The following CACNB3 variants were observed in gnomAD, a reference collection of about 807,000 sequenced individuals.
CACNB3 encodes calcium voltage-gated channel auxiliary subunit beta 3.
In CACNB3, 36 loss-of-function variants were observed where a neutral mutation model predicts 63.7. That is an observed-to-expected ratio of 0.57 (90% CI 0.43 to 0.75). The LOEUF (loss-of-function observed/expected upper bound fraction) is 0.75. CACNB3 is among the 30% of genes least tolerant of loss of function. The pLI is 0.00. For synonymous variants in CACNB3, 241 were observed against 250.6 expected (o/e 0.96, Z 0.36); for missense variants, 493 against 648.6 (o/e 0.76, Z 2.61).
At position 48,825,783 on chromosome 12, in the gene CACNB3, A is replaced by G; in HGVS notation, c.742+14A>G. On this transcript the variant is annotated intron_variant, in intron 9 of 12. Coordinates refer to ENST00000301050, the MANE Select transcript of CACNB3 (RefSeq NM_000725.4). The surrounding 1 kb of genome is among the most constrained non-coding windows in gnomAD (Gnocchi z 4.5). ...GCTCCAGCATTGGTGAGAAGTCCCC[A>G]CCACCTGCTTCTGTGCCCACTCAAG... 6.3e-7 allele frequency: 1 copy of G among 1,589,720 alleles called. No homozygotes were observed. Among genetic ancestry groups the G allele is most frequent in the East Asian group, 2.2e-5 (1 of 44,660 alleles).
chr12:48,815,601 G>T, upstream of CACNB3: 2 of 1,531,814 alleles, frequency 1.3e-6, no homozygotes, highest in South Asian at 1.2e-5. Context: ...GTGCAGGCGG[G>T]AGCAGCGTGC....
At chr12:48,822,650 C>G (rs887417368) in intron 1 of CACNB3, among the ~76,000 whole-genome samples, 5 of 152,182 alleles carry the variant, frequency 3.3e-5, no homozygotes, top group African/African-American at 9.7e-5. Flanking sequence ...CTGCCCACAC[C>G]TGGCTAGTTG....
In CACNB3 at chr12:48,827,798, G is replaced by A. The variant is rs375494216; in HGVS notation, c.1354G>A (p.Gly452Arg). 8.7e-6 allele frequency: 14 copies of A among 1,614,016 alleles called. No homozygotes were observed. The highest frequency in any genetic ancestry group is 2.2e-5 in the East Asian group (1 of 44,886). Residue 452 changes from glycine to arginine, a missense_variant, in exon 13 of 13, where the codon GGG becomes AGG. Transcript: ENST00000301050. ...CACCTCGGGGCTGCCTAGTGCTAAC[G>A]GGCATGACCCCCAAGACCGGCTTCT... is the stretch of plus-strand genomic sequence containing the variant. ...QHTSGLPSAN[G>R]HDPQDRLLAQ...
chr12:48,826,390 C>T lies in CACNB3; in HGVS notation c.766C>T (p.Arg256Cys), dbSNP rs1283578475. The change falls in exon 10 of 13, where the codon CGC becomes TGC. Residue 256 changes from arginine (R) to cysteine (C), a missense_variant. Transcript: ENST00000301050. The surrounding 1 kb of genome is among the most constrained non-coding windows in gnomAD (Gnocchi z 4.8). ...AGCGGAAGTGCAGAGTGAGATCGAG[C>T]GCATATTTGAGCTGGCCAAATCCCT... Reference protein sequence around the residue: ...SIAEVQSEIERIFELAKSLQL... With the variant: ...SIAEVQSEIECIFELAKSLQL... 1.2e-6 allele frequency: 2 copies of T among 1,614,114 alleles called. No individual in the cohort carries two copies. Among genetic ancestry groups the T allele is most frequent in the Non-Finnish European group, 1.7e-6 (2 of 1,180,022 alleles).
rs377133522 is a variant in CACNB3 at position 48,823,804 on chromosome 12, G to A, written c.291+1G>A. The A allele has an allele frequency of 1.2e-6, 2 of 1,613,930 alleles. No individual in the cohort carries two copies. Among genetic ancestry groups the A allele is most frequent in the Non-Finnish European group, 1.7e-6 (2 of 1,180,000 alleles). On this transcript the variant is annotated splice_donor_variant, in intron 3 of 12. Coordinates refer to ENST00000301050, the MANE Select transcript of CACNB3 (RefSeq NM_000725.4). LOFTEE classifies it high-confidence loss of function. This position sits in a 1 kb window ranked among gnomAD's most constrained non-coding sequence, Gnocchi z 4.2. ...CAAAGATTTTCTGCACATTAAAGAG[G>A]TGATCGACCCCCCTACTTCCAGAAG...
At position 48,823,557 on chromosome 12, in the gene CACNB3, TGTCCTTGA is replaced by T; in HGVS notation, c.168+94_168+101del. The T allele has an allele frequency of 6.3e-7, 1 of 1,593,874 alleles. No homozygotes were observed. Among genetic ancestry groups the T allele is most frequent in the Non-Finnish European group, 8.6e-7 (1 of 1,169,034 alleles). On this transcript the variant is annotated intron_variant, in intron 2 of 12. Transcript: ENST00000301050. This position sits in a 1 kb window ranked among gnomAD's most constrained non-coding sequence, Gnocchi z 4.2. ...AGTCCCAAGGGGTCCTTGGGCAGGA[TGTCCTTGA>T]GTGTGAGAGGGTGTGTGTGATGGGC... is the stretch of plus-strand genomic sequence containing the variant.
At chr12:48,815,786 G>A (rs966598117), upstream of CACNB3, 70 of 1,104,392 alleles carry the variant, frequency 6.3e-5, no homozygotes, top group Middle Eastern at 1.9e-4. Context: ...GGTGGGAGGA[G>A]AGCTCCGCTC....
In CACNB3 at chr12:48,825,503, C is replaced by T; in HGVS notation, c.632+11C>T. On this transcript the variant is annotated intron_variant, in intron 8 of 12. Coordinates refer to ENST00000301050, the MANE Select transcript of CACNB3 (RefSeq NM_000725.4). This position sits in a 1 kb window ranked among gnomAD's most constrained non-coding sequence, Gnocchi z 4.5. ...CAGATTTGATGGCAGGTAAGCTGCC[C>T]TGGCCTGAGGTGGCCTGAGAACCAA... 6.2e-7 allele frequency: 1 copy of T among 1,613,932 alleles called. No homozygotes were observed. Among genetic ancestry groups the T allele is most frequent in the Non-Finnish European group, 8.5e-7 (1 of 1,179,812 alleles).
At chr12:48,816,812 G>A, upstream of CACNB3, 1 of 984,634 alleles carries the variant, frequency 1.0e-6, no homozygotes, top group South Asian at 4.7e-5. Flanking sequence ...GGAGAGGCCA[G>A]GAGAGTGGAT....
intron 12 of CACNB3, 149 bp downstream of exon 12, chr12:48,827,272 G>A (rs1938195054): frequency 1.0e-6 from 1 of 984,100 alleles, no homozygotes; most frequent in Non-Finnish European, 1.5e-6. Context: ...GCACAGACGG[G>A]CAAAGGAACT....
At chr12:48,824,885 A>G (rs1938046250) in intron 5 of CACNB3, 64 bp from the exon 6 acceptor site, 1 of 1,581,812 alleles carries the variant, frequency 6.3e-7, no homozygotes, top group African/African-American at 1.3e-5. Context: ...GGACGGGGAT[A>G]CCATGCCCCC....
chr12:48,816,821 AT>A (rs1942298723), upstream of CACNB3: 1 of 985,338 alleles, frequency 1.0e-6, no homozygotes, highest in South Asian at 4.7e-5. Flanking sequence ...AGGAGAGTGG[AT>A]GCAGGGATGG....
chr12:48,824,674 C>A lies in CACNB3; in HGVS notation c.413C>A (p.Ser138Tyr). The A allele has an allele frequency of 6.2e-7, 1 of 1,613,636 alleles. No homozygotes were observed. The highest frequency in any genetic ancestry group is 1.1e-5 in the South Asian group (1 of 91,042). ...TCACCTCCCTTTCTTCTCAGGAGAT[C>A]TGGGAACCCTTCCAGCCTGAGTGAC... ...RLKQEQKARR[S>Y]GNPSSLSDIG... Residue 138 changes from serine to tyrosine, a missense_variant, in exon 5 of 13, where the codon TCT becomes TAT. Ser to Tyr is a moderately radical substitution (Grantham distance 144, BLOSUM62 -2). Coordinates refer to ENST00000301050, the MANE Select transcript of CACNB3 (RefSeq NM_000725.4).
Position 48,824,297 on chromosome 12 carries a change from G to C in CACNB3, c.331G>C (p.Glu111Gln). The C allele has an allele frequency of 6.2e-7, 1 of 1,613,382 alleles. No homozygotes were observed. The highest frequency in any genetic ancestry group is 8.5e-7 in the Non-Finnish European group (1 of 1,179,840). The change falls in exon 4 of 13, where the codon GAG becomes CAG. Residue 111 changes from glutamate (E) to glutamine (Q), a missense_variant. Physicochemically the swap from Glu to Gln is conservative, Grantham distance 29. Coordinates refer to ENST00000301050, the MANE Select transcript of CACNB3 (RefSeq NM_000725.4). ...NDWWIGRLVKEGGDIAFIPSP... is the reference protein window; with the variant it reads ...NDWWIGRLVKQGGDIAFIPSP... The stretch of plus-strand genomic sequence containing the variant: ...CTGGTGGATCGGGCGGCTAGTGAAA[G>C]AGGGCGGGGACATCGCCTTCATCCC...
Position 48,818,968 on chromosome 12 carries a change from G to C in CACNB3, c.39G>C (p.Ser13=). The change falls in exon 1 of 13, where the codon TCG becomes TCC. Residue 13 remains serine (S), a synonymous_variant. Coordinates refer to ENST00000301050, the MANE Select transcript of CACNB3 (RefSeq NM_000725.4). The surrounding 1 kb of genome is among the most constrained non-coding windows in gnomAD (Gnocchi z 4.3). ...CCTACGTGCCCGGGTTTGAGGACTC[G>C]GAGGCGGTGAGTGCCCACGATGAGG... ...DDSYVPGFED[S]EAGSADSYTS... The C allele has an allele frequency of 1.2e-6, 2 of 1,605,962 alleles. No individual in the cohort carries two copies. Among genetic ancestry groups the C allele is most frequent in the Non-Finnish European group, 1.7e-6 (2 of 1,176,476 alleles).
rs1339065133 is a variant in CACNB3 at position 48,823,605 on chromosome 12, T to G, written c.169-76T>G. On this transcript the variant is annotated intron_variant, in intron 2 of 12. Transcript: ENST00000301050. The surrounding 1 kb of genome is among the most constrained non-coding windows in gnomAD (Gnocchi z 4.2). ...GTGTGATGGGCAGAGGCCACGGCCTTCTGCTGTTGGGGCACTGAAGCTGGA... is the reference window on the plus strand; with the variant it reads ...GTGTGATGGGCAGAGGCCACGGCCTGCTGCTGTTGGGGCACTGAAGCTGGA... The G allele has an allele frequency of 9.9e-6, 16 of 1,610,690 alleles. No homozygotes were observed. Among genetic ancestry groups the G allele is most frequent in the African/African-American group, 1.3e-5 (1 of 74,860 alleles).
Position 48,827,843 on chromosome 12 carries a change from A to G in CACNB3, c.1399A>G (p.Asn467Asp). ...DRLLAQDSEHNHSDRNWQRNR... is the reference protein window; with the variant it reads ...DRLLAQDSEHDHSDRNWQRNR... ...GCTTCTAGCCCAGGACTCAGAGCACAACCACAGTGACCGGAACTGGCAGCG... is the reference window on the plus strand; with the variant it reads ...GCTTCTAGCCCAGGACTCAGAGCACGACCACAGTGACCGGAACTGGCAGCG... The change falls in exon 13 of 13, where the codon AAC becomes GAC. Residue 467 changes from asparagine to aspartate, a missense_variant. Coordinates refer to ENST00000301050, the MANE Select transcript of CACNB3 (RefSeq NM_000725.4). 1 of 1,614,082 alleles carries G rather than the reference A, an allele frequency of 6.2e-7. No homozygotes were observed. Among genetic ancestry groups the G allele is most frequent in the Non-Finnish European group, 8.5e-7 (1 of 1,179,988 alleles).
rs1194162480 is a variant in CACNB3, at chr12:48,827,835, C to CA, written c.1392dup (p.Glu465ArgfsTer6). On this transcript the variant is annotated frameshift_variant, in exon 13 of 13. Coordinates refer to ENST00000301050, the MANE Select transcript of CACNB3 (RefSeq NM_000725.4). LOFTEE classifies it high-confidence loss of function. ...CAAGACCGGCTTCTAGCCCAGGACT[C>CA]AGAGCACAACCACAGTGACCGGAAC... The CA allele has an allele frequency of 2.5e-6, 4 of 1,614,044 alleles. No homozygotes were observed. Among genetic ancestry groups the CA allele is most frequent in the East Asian group, 2.2e-5 (1 of 44,896 alleles).
intron 1 of CACNB3, chr12:48,820,261 G>A (rs558764464): frequency 6.5e-6 from 1 of 152,852 alleles, no homozygotes; most frequent in Non-Finnish European, 1.5e-5. Context: ...GTGCCAAGGT[G>A]AGCTTGAAAA....
Sources: gnomAD v4.1 joint callset for allele counts (sites outside exome capture counted in the v4.1 genomes callset) on GRCh38, gnomAD v4.1.1 for gene constraint, Gnocchi (gnomAD v3.1) non-coding constraint, MANE v1.5 for transcripts, NCBI Gene and HGNC (gene_info 2026-07-23, HGNC 2026-07-21) for gene names.